SNTG2: variants seen among roughly 807,000 people sequenced by gnomAD.
SNTG2 encodes the protein gamma-2-syntrophin.
Under a neutral mutation model 70.9 loss-of-function variants are expected in SNTG2, and 74 were observed. The ratio of observed to expected loss-of-function variants is 1.04; its 90% CI spans 0.86 to 1.27. The LOEUF (loss-of-function observed/expected upper bound fraction) is 1.27. SNTG2 is among the 50% of genes most tolerant of loss of function. SNTG2 has a pLI of 0.00. For missense variants in SNTG2, 717 were observed against 690.7 expected (o/e 1.04, Z -0.43); for synonymous variants, 278 against 273.8 (o/e 1.02, Z -0.15).
At chr2:1,189,652 G>C (rs919295486) in intron 8 of SNTG2, among the ~76,000 whole-genome samples, 1 of 151,614 alleles carries the variant, frequency 6.6e-6, no homozygotes, top group South Asian at 2.1e-4. Flanking sequence ...TCTGCCTCCC[G>C]GGTTCAAGTG....
chr2:1,042,183 C>A (rs1661477648), intron 1 of SNTG2, among the ~76,000 whole-genome samples: 1 of 152,102 alleles, frequency 6.6e-6, no homozygotes, highest in Non-Finnish European at 1.5e-5. Context: ...TGGATTAGCT[C>A]CTCTTGGGAC....
At chr2:1,347,473 A>G (rs1453716999) in intron 16 of SNTG2, among the ~76,000 whole-genome samples, 2 of 152,200 alleles carry the variant, frequency 1.3e-5, no homozygotes, top group African/African-American at 4.8e-5. Context: ...TTTTGAAAGC[A>G]CTAGTTTACA....
chr2:1,260,985 C>T (rs1194516118), intron 13 of SNTG2, among the ~76,000 whole-genome samples: 1 of 151,968 alleles, frequency 6.6e-6, no homozygotes, highest in African/African-American at 2.4e-5. Context: ...CTCATTTTCC[C>T]AGGAAGATTA....
chr2:971,542 T>C (rs6758993), intron 1 of SNTG2, among the ~76,000 whole-genome samples: 51,448 of 151,762 alleles, frequency 0.34, 9,439 homozygotes, highest in Middle Eastern at 0.46. Context: ...AGATCTTTTC[T>C]CTTTTTTTAA....
At chr2:1,118,000 C>T (rs1667145030) in intron 4 of SNTG2, among the ~76,000 whole-genome samples, 1 of 152,010 alleles carries the variant, frequency 6.6e-6, no homozygotes, top group Non-Finnish European at 1.5e-5. Context: ...GTGCTATGTC[C>T]AGCCCCCCAG....
At chr2:1,284,584 GT>G (rs1041425510) in intron 14 of SNTG2, among the ~76,000 whole-genome samples, 1 of 152,016 alleles carries the variant, frequency 6.6e-6, no homozygotes, top group Non-Finnish European at 1.5e-5. Context: ...CAAACCAATT[GT>G]TTTTTTAGTT....
At chr2:1,307,063 G>A (rs1680714420) in intron 14 of SNTG2, among the ~76,000 whole-genome samples, 1 of 151,450 alleles carries the variant, frequency 6.6e-6, no homozygotes, top group Non-Finnish European at 1.5e-5. Flanking sequence ...CATGGACTGT[G>A]TGTGTGGGGG....
At chr2:1,039,305 T>TC (rs1661298624) in intron 1 of SNTG2, among the ~76,000 whole-genome samples, 1 of 152,242 alleles carries the variant, frequency 6.6e-6, no homozygotes, top group African/African-American at 2.4e-5. Context: ...TTCCATTTTT[T>TC]CTCACAATTA....
At chr2:1,188,121 C>T (rs1451937883) in intron 8 of SNTG2, among the ~76,000 whole-genome samples, 3 of 152,292 alleles carry the variant, frequency 2.0e-5, no homozygotes, top group Non-Finnish European at 2.9e-5. Context: ...ACAGACACAG[C>T]GTGCTGAAAA....
At chr2:1,106,738 A>T (rs1479153033) in intron 4 of SNTG2, among the ~76,000 whole-genome samples, 1 of 44,978 alleles carries the variant, frequency 2.2e-5, no homozygotes. Context: ...GAGCTCCTTG[A>T]TAATAATGGA....
intron 16 of SNTG2, among the ~76,000 whole-genome samples, chr2:1,326,842 C>G (rs1405236667): frequency 6.6e-6 from 1 of 151,968 alleles, no homozygotes; most frequent in Non-Finnish European, 1.5e-5. Context: ...TTTTTCCATT[C>G]TCTTTCTTTT....
intron 1 of SNTG2, among the ~76,000 whole-genome samples, chr2:1,002,288 GA>G (rs1256342141): frequency 1.3e-5 from 2 of 152,014 alleles, no homozygotes; most frequent in African/African-American, 4.8e-5. Context: ...TCTGCACAGT[GA>G]AAGACAAAAT....
intron 1 of SNTG2, among the ~76,000 whole-genome samples, chr2:1,020,172 A>G (rs1660083724): frequency 6.6e-6 from 1 of 152,272 alleles, no homozygotes. Flanking sequence ...GATGATGAAT[A>G]AAATCCCATT....
chr2:1,255,885 A>AATATAT (rs1305282798), intron 12 of SNTG2, among the ~76,000 whole-genome samples: 1 of 90,478 alleles, frequency 1.1e-5, no homozygotes, highest in South Asian at 3.2e-4. Flanking sequence ...TATATATATA[A>AATATAT]ATATATATAA....
intron 4 of SNTG2, among the ~76,000 whole-genome samples, chr2:1,106,400 G>A (rs1318447167): frequency 7.9e-6 from 1 of 127,234 alleles, no homozygotes; most frequent in Non-Finnish European, 1.7e-5. Flanking sequence ...GCTGTCACTC[G>A]GGTGCAGGGT....
intron 16 of SNTG2, among the ~76,000 whole-genome samples, chr2:1,356,598 T>A (rs1235891845): frequency 1.3e-5 from 2 of 152,172 alleles, no homozygotes; most frequent in African/African-American, 4.8e-5. Flanking sequence ...TGTTTTAGAG[T>A]AAGGAAGTGA....
rs777135474 is a variant in SNTG2 at position 1,165,548 on chromosome 2, G to T, written c.412G>T (p.Val138Leu). ...GTAGCTATTTTTGTCATATTGACAG[G>T]TGCATCTGCTGAGAAATGCTGGCGA... ...HVENATHEEV[V>L]HLLRNAGDEV... is the part of the protein sequence containing the mutation. The change falls in exon 7 of 17, where the codon GTG becomes TTG. Residue 138 changes from valine (V) to leucine (L), a missense_variant and splice_region_variant. Transcript: ENST00000308624. The T allele has an allele frequency of 6.2e-7, 1 of 1,611,360 alleles. No homozygotes were observed. The highest frequency in any genetic ancestry group is 1.1e-5 in the South Asian group (1 of 90,268).
chr2:1,279,256 G>A (rs566303746), intron 14 of SNTG2, among the ~76,000 whole-genome samples: 13 of 152,312 alleles, frequency 8.5e-5, no homozygotes, highest in Admixed American at 3.3e-4. Flanking sequence ...CACTCTTATC[G>A]GATGTAGTCA....
chr2:1,341,286 C>G (rs111820634), intron 16 of SNTG2: 7 of 152,296 alleles, frequency 4.6e-5, no homozygotes, highest in African/African-American at 1.4e-4. Context: ...CAGCTGACAC[C>G]CCTACAGCAG....
Sources: allele counts gnomAD v4.1 joint callset (sites outside exome capture counted in the v4.1 genomes callset), GRCh38; gene constraint gnomAD v4.1.1; transcripts MANE v1.5; gene names NCBI Gene and HGNC (gene_info 2026-07-23, HGNC 2026-07-21).